Variants in COL14A1 observed in about 807,000 individuals in gnomAD.
COL14A1 encodes collagen type XIV alpha 1 chain.
Under a neutral mutation model 230.3 loss-of-function variants are expected in COL14A1, and 136 were observed. That is an observed-to-expected ratio of 0.59 (90% CI 0.51 to 0.68). The LOEUF is 0.68. Among genes scored for constraint, COL14A1 ranks in the 30% least tolerant of loss-of-function variants. COL14A1 has a pLI of 0.00. For missense variants in COL14A1, 1,976 were observed against 2,215.8 expected (o/e 0.89, Z 2.17); for synonymous variants, 792 against 784.1 (o/e 1.01, Z -0.17).
chr8:120,177,668 A>AAC (rs1404487225), intron 5 of COL14A1, among the ~76,000 whole-genome samples: 2 of 145,676 alleles, frequency 1.4e-5, no homozygotes, highest in African/African-American at 5.0e-5. Context: ...AAAAAAAAAA[A>AAC]AAAAGACTGT....
At position 120,215,020 on chromosome 8, in the gene COL14A1, G is replaced by A. The variant is rs150657403; in HGVS notation, c.1598-1331G>A. ...CAGCTAGTGGCATGGAAAAGGCACG[G>A]AGTAGTAGCAGATGGAACCAGTGAA... On this transcript the variant is annotated intron_variant, in intron 13 of 47. Coordinates refer to ENST00000297848, the MANE Select transcript of COL14A1 (RefSeq NM_021110.4). Among the ~76,000 whole-genome samples the A allele has an allele frequency of 4.6e-3, 707 of 152,308 alleles. 8 individuals carry two copies. The highest frequency in any genetic ancestry group is 0.016 in the African/African-American group (671 of 41,568).
intron 1 of COL14A1, among the ~76,000 whole-genome samples, chr8:120,140,241 T>C (rs1198555413): frequency 6.6e-6 from 1 of 152,228 alleles, no homozygotes; most frequent in Non-Finnish European, 1.5e-5. Context: ...TGTTTCATAC[T>C]TATTTCATTC....
At chr8:120,187,067 G>A (rs1422826964) in intron 5 of COL14A1, among the ~76,000 whole-genome samples, 1 of 152,148 alleles carries the variant, frequency 6.6e-6, no homozygotes, top group Non-Finnish European at 1.5e-5. Context: ...AGGATGAATA[G>A]GAGTTTACCT....
At chr8:120,265,366 C>T (rs1229307979) in intron 24 of COL14A1, among the ~76,000 whole-genome samples, 1 of 151,984 alleles carries the variant, frequency 6.6e-6, no homozygotes, top group African/African-American at 2.4e-5. Context: ...GCTTTAGAAA[C>T]ATTTTGTGGG....
chr8:120,200,478 A>G (rs988024576), intron 8 of COL14A1, among the ~76,000 whole-genome samples: 22 of 151,666 alleles, frequency 1.5e-4, no homozygotes, highest in African/African-American at 5.1e-4. Flanking sequence ...TTACATACCC[A>G]GTTATAGTGG....
intron 5 of COL14A1, among the ~76,000 whole-genome samples, chr8:120,188,353 ATTAC>A (rs1816710559): frequency 6.6e-6 from 1 of 152,198 alleles, no homozygotes; most frequent in African/African-American, 2.4e-5. Flanking sequence ...AAGTGCTGGG[ATTAC>A]AGGCATGAGC....
chr8:120,138,824 G>T (rs1389046524), intron 1 of COL14A1, among the ~76,000 whole-genome samples: 1 of 152,046 alleles, frequency 6.6e-6, no homozygotes, highest in Admixed American at 6.6e-5. Flanking sequence ...TATTTCTTTT[G>T]TTGTTGTTTT....
rs1554603200 is a variant in COL14A1 at position 120,182,726 on chromosome 8, G to GGTTTTTTTTTTTTTTTTTTTTTTTTTT, written c.437-14065_437-14064insGTTTTTTTTTTTTTTTTTTTTTTTTTT. 2.3e-5 allele frequency among the ~76,000 whole-genome samples: 3 copies of GGTTTTTTTTTTTTTTTTTTTTTTTTTT among 129,014 alleles called. 1 individual carries two copies. The highest frequency in any genetic ancestry group is 5.7e-5 in the African/African-American group (2 of 34,948). 84.6% of individuals were successfully genotyped at this position (129,014 alleles called of 152,430 possible). ...AACTTAATTTTTTTTATTTTTCTTC[G>GGTTTTTTTTTTTTTTTTTTTTTTTTTT]TTTTTTTTTTTTTTTTTTGAGGTGG... is the stretch of plus-strand genomic sequence containing the variant. On this transcript the variant is annotated intron_variant, in intron 5 of 47. Coordinates refer to ENST00000297848, the MANE Select transcript of COL14A1 (RefSeq NM_021110.4).
chr8:120,310,187 A>T lies in COL14A1; in HGVS notation c.4455+125A>T, dbSNP rs1287843738. The T allele has an allele frequency of 5.5e-6, 5 of 914,876 alleles. No homozygotes were observed. In the East Asian group the frequency reaches 1.3e-4, roughly 24 times the overall value. The allele number at this position is 914,876 out of a possible 1,614,324, so 56.7% of individuals were successfully genotyped here. ...ATCTAAAGTTCCTTATAGTTTTATG[A>T]AAGTTGTGCCTAACCCTTCTTCCTT... On this transcript the variant is annotated intron_variant, in intron 37 of 47. Coordinates refer to ENST00000297848, the MANE Select transcript of COL14A1 (RefSeq NM_021110.4).
At chr8:120,279,277 G>T (rs967229324) in intron 28 of COL14A1, among the ~76,000 whole-genome samples, 1 of 151,860 alleles carries the variant, frequency 6.6e-6, no homozygotes, top group Non-Finnish European at 1.5e-5. Flanking sequence ...TAAAAAACCT[G>T]CATCTTCAGC....
In COL14A1 at chr8:120,176,708, G is replaced by A. The variant is rs546797806; in HGVS notation, c.436+8461G>A. On this transcript the variant is annotated intron_variant, in intron 5 of 47. Coordinates refer to ENST00000297848, the MANE Select transcript of COL14A1 (RefSeq NM_021110.4). ...CCACTCCAAGATTAAAGGGGAAGGA[G>A]TTGGGTTCAGTCATAAACAGGACAT... Among the ~76,000 whole-genome samples, 23 of 152,294 alleles carry A rather than the reference G, an allele frequency of 1.5e-4. No homozygotes were observed. The East Asian group carries it at 4.1e-3, about 27-fold the overall frequency.
At chr8:120,176,712 G>A (rs1816294628) in intron 5 of COL14A1, among the ~76,000 whole-genome samples, 2 of 152,046 alleles carry the variant, frequency 1.3e-5, no homozygotes, top group South Asian at 4.2e-4. Context: ...GAAGGAGTTG[G>A]GTTCAGTCAT....
At chr8:120,347,052 T>C (rs1822544840) in intron 45 of COL14A1, among the ~76,000 whole-genome samples, 1 of 152,162 alleles carries the variant, frequency 6.6e-6, no homozygotes, top group Non-Finnish European at 1.5e-5. Flanking sequence ...CATCCTCTGC[T>C]GCTGTCAATA....
chr8:120,208,604 A>G (rs955924604), intron 11 of COL14A1, among the ~76,000 whole-genome samples: 1 of 152,218 alleles, frequency 6.6e-6, no homozygotes, highest in African/African-American at 2.4e-5. Flanking sequence ...CTTGGTGGTG[A>G]AGAGTACAAA....
At chr8:120,265,633 GTA>G (rs950047601) in intron 24 of COL14A1, among the ~76,000 whole-genome samples, 15 of 147,302 alleles carry the variant, frequency 1.0e-4, no homozygotes, top group African/African-American at 1.7e-4. Context: ...AATAAAAAAG[GTA>G]TATATATGTG....
intron 12 of COL14A1, among the ~76,000 whole-genome samples, chr8:120,211,036 T>A (rs1352115237): frequency 1.3e-5 from 2 of 152,154 alleles, no homozygotes; most frequent in Non-Finnish European, 2.9e-5. Flanking sequence ...CTGATAATAC[T>A]GTGTATTCAT....
chr8:120,323,644 G>A (rs536708326), intron 40 of COL14A1, among the ~76,000 whole-genome samples: 2 of 152,152 alleles, frequency 1.3e-5, no homozygotes, highest in African/African-American at 2.4e-5. Flanking sequence ...TTGCTAGCCA[G>A]TTAACCCAGA....
At chr8:120,153,443 C>G (rs1815354505) in intron 2 of COL14A1, among the ~76,000 whole-genome samples, 1 of 152,106 alleles carries the variant, frequency 6.6e-6, no homozygotes, top group Admixed American at 6.5e-5. Context: ...CCTTGGCCTC[C>G]CAAAGTGCTG....
chr8:120,196,190 A>G (rs1162119278), intron 5 of COL14A1, among the ~76,000 whole-genome samples: 1 of 152,234 alleles, frequency 6.6e-6, no homozygotes. Flanking sequence ...ACATACACAT[A>G]ATATGCAAAA....
Sources: allele counts gnomAD v4.1 joint callset (sites outside exome capture counted in the v4.1 genomes callset), GRCh38; gene constraint gnomAD v4.1.1; transcripts MANE v1.5; gene names NCBI Gene and HGNC (gene_info 2026-07-23, HGNC 2026-07-21).